Variants in FHIT observed in about 807,000 individuals in gnomAD.
FHIT encodes fragile histidine triad diadenosine triphosphatase, also known as bis(5'-adenosyl)-triphosphatase.
FHIT carries 19 observed loss-of-function variants against 17.9 expected under a neutral mutation model. The observed-to-expected ratio is 1.06, with a 90% CI of 0.74 to 1.56. The LOEUF (loss-of-function observed/expected upper bound fraction) is 1.56. Among genes scored for constraint, FHIT ranks in the 40% most tolerant of loss-of-function variants. The probability of loss-of-function intolerance (pLI) is 0.00; values close to 1 mark genes in which losing one functional copy is unlikely to be tolerated. For missense variants in FHIT, 248 were observed against 189.2 expected, an observed-to-expected ratio of 1.31 and a Z score of -1.82; for synonymous variants, 81 against 69.7, an observed-to-expected ratio of 1.16 and a Z score of -0.81.
chr3:60,071,086 T>G (rs1420221724), intron 5 of FHIT, among the ~76,000 whole-genome samples: 2 of 152,184 alleles, frequency 1.3e-5, no homozygotes, highest in Admixed American at 1.3e-4. Flanking sequence ...CACCCTCATC[T>G]AGCACTGTCT....
chr3:61,181,806 T>C (rs1388632981), intron 2 of FHIT, among the ~76,000 whole-genome samples: 1 of 152,186 alleles, frequency 6.6e-6, no homozygotes. Context: ...ATTTTTCCTA[T>C]CCCTTAGAAA....
chr3:61,097,078 C>CA lies in FHIT; in HGVS notation c.-163-54980dup, dbSNP rs4020380. ...TAGGCAACAGAGTGAGACTCAATCT[C>CA]AAAAAAAAAAAAAAAAAAAAAGACG... On this transcript the variant is annotated intron_variant, in intron 2 of 9. Transcript: ENST00000492590. 6.3e-3 allele frequency among the ~76,000 whole-genome samples: 626 copies of CA among 99,692 alleles called. 2 individuals are homozygous for CA. The highest frequency in any genetic ancestry group is 0.02 in the African/African-American group (490 of 24,936). 65.4% of individuals were successfully genotyped at this position (99,692 alleles called of 152,430 possible). A position where few individuals can be genotyped will look rare whatever the true frequency, so the allele number is the denominator to read the frequency against.
intron 5 of FHIT, among the ~76,000 whole-genome samples, 200 bp from the exon 6 acceptor site, chr3:60,014,352 A>C (rs1393314626): frequency 6.6e-6 from 1 of 152,240 alleles, no homozygotes; most frequent in African/African-American, 2.4e-5. Flanking sequence ...TACACTTTGA[A>C]GGAGAAGCTG....
At chr3:60,135,903 C>T (rs577257381) in intron 5 of FHIT, among the ~76,000 whole-genome samples, 1 of 152,266 alleles carries the variant, frequency 6.6e-6, no homozygotes, top group South Asian at 2.1e-4. Context: ...TCTAAATCCA[C>T]CTAAACTGTC....
intron 3 of FHIT, among the ~76,000 whole-genome samples, chr3:61,029,075 C>A (rs139003874): frequency 6.6e-6 from 1 of 151,986 alleles, no homozygotes; most frequent in Non-Finnish European, 1.5e-5. Context: ...CTGAGAAAAA[C>A]GAAACAAAAT....
chr3:60,030,260 C>A (rs1370564453), intron 5 of FHIT, among the ~76,000 whole-genome samples: 1 of 152,068 alleles, frequency 6.6e-6, no homozygotes, highest in Non-Finnish European at 1.5e-5. Context: ...GCGCAACAAG[C>A]AAAATTCCTG....
chr3:59,791,014 T>A (rs1424356491), intron 8 of FHIT, among the ~76,000 whole-genome samples: 1 of 152,208 alleles, frequency 6.6e-6, no homozygotes, highest in Non-Finnish European at 1.5e-5. Flanking sequence ...TTGGGAAGCC[T>A]TTCTGAGTTC....
intron 2 of FHIT, among the ~76,000 whole-genome samples, chr3:61,071,643 T>C (rs989263827): frequency 1.3e-5 from 2 of 152,182 alleles, no homozygotes; most frequent in African/African-American, 2.4e-5. Context: ...AACAGCAAGA[T>C]ATAAAACAGT....
intron 1 of FHIT, chr3:61,244,287 C>A (rs2040437095): frequency 6.6e-6 from 1 of 152,192 alleles, no homozygotes; most frequent in South Asian, 2.1e-4. Flanking sequence ...CTGAGAGCCA[C>A]TAGTTGGAAA....
intron 2 of FHIT, among the ~76,000 whole-genome samples, chr3:61,181,212 C>T (rs1417376797): frequency 6.6e-6 from 1 of 152,104 alleles, no homozygotes; most frequent in Non-Finnish European, 1.5e-5. Flanking sequence ...AAATCCCAGC[C>T]AAGTAATGAC....
chr3:61,235,477 A>C (rs1348809215), intron 1 of FHIT, among the ~76,000 whole-genome samples: 1 of 152,182 alleles, frequency 6.6e-6, no homozygotes, highest in Non-Finnish European at 1.5e-5. Flanking sequence ...TTTTATGTGC[A>C]GATAGATCAT....
intron 8 of FHIT, among the ~76,000 whole-genome samples, chr3:59,788,868 G>T (rs1334211690): frequency 1.3e-4 from 1 of 7,634 alleles, no homozygotes; most frequent in Non-Finnish European, 3.1e-4. Flanking sequence ...CACGTTCTTT[G>T]CTGAGTTCAT....
intron 4 of FHIT, among the ~76,000 whole-genome samples, chr3:60,725,053 C>G (rs1275025101): frequency 6.6e-6 from 1 of 152,138 alleles, no homozygotes; most frequent in African/African-American, 2.4e-5. Flanking sequence ...AGCATCTTTT[C>G]ATGGGCTTAT....
chr3:61,124,526 C>A (rs1212376435), intron 2 of FHIT, among the ~76,000 whole-genome samples: 1 of 152,108 alleles, frequency 6.6e-6, no homozygotes, highest in South Asian at 2.1e-4. Flanking sequence ...AGGCTACCAA[C>A]ATGATATCAC....
chr3:60,905,893 AT>A (rs202133263), intron 3 of FHIT, among the ~76,000 whole-genome samples: 2 of 151,494 alleles, frequency 1.3e-5, no homozygotes, highest in East Asian at 1.9e-4. Context: ...TTCTTGAACA[AT>A]TTTTTTTTCT....
chr3:60,288,566 A>AGTGTGTGTGTGTGTGTGTGTGTGTGTGT (rs139336094), intron 5 of FHIT, among the ~76,000 whole-genome samples: 21 of 144,662 alleles, frequency 1.5e-4, no homozygotes, highest in African/African-American at 4.1e-4. Flanking sequence ...GTTCTGGCAC[A>AGTGTGTGTGTGTGTGTGTGTGTGTGTGT]GTGTGTGTGT....
At chr3:60,514,829 A>G (rs1447450907) in intron 5 of FHIT, among the ~76,000 whole-genome samples, 1 of 152,148 alleles carries the variant, frequency 6.6e-6, no homozygotes, top group African/African-American at 2.4e-5. Context: ...AAGCGTTCCT[A>G]CAGACACATG....
chr3:60,340,033 C>T (rs1252162007), intron 5 of FHIT, among the ~76,000 whole-genome samples: 8 of 152,100 alleles, frequency 5.3e-5, no homozygotes, highest in Non-Finnish European at 2.9e-5. Context: ...TATGCTCTGG[C>T]ACAGGTTCTT....
intron 5 of FHIT, among the ~76,000 whole-genome samples, chr3:60,108,166 C>T (rs71313744): frequency 0.04 from 6,119 of 152,280 alleles, 194 homozygotes; most frequent in Non-Finnish European, 0.061. Context: ...AAGTTAAAAG[C>T]TAATTCAATG....
Sources: allele counts gnomAD v4.1 joint callset (sites outside exome capture counted in the v4.1 genomes callset), GRCh38; gene constraint gnomAD v4.1.1; transcripts MANE v1.5; gene names NCBI Gene and HGNC (gene_info 2026-07-23, HGNC 2026-07-21).